The following PPFIBP2 variants were observed in gnomAD, a reference collection of about 807,000 sequenced individuals.
The protein encoded by PPFIBP2 is PPFIB scaffold protein 2.
A neutral mutation model predicts 118.3 loss-of-function variants in PPFIBP2; 118 were observed. That is an observed-to-expected ratio of 1.00 (90% CI 0.86 to 1.16). The LOEUF is 1.16. Among genes scored for constraint, PPFIBP2 ranks in the 50% most tolerant of loss-of-function variants. The pLI, the probability that PPFIBP2 is intolerant of heterozygous loss-of-function variation, is 0.00. For missense variants in PPFIBP2, 1,195 were observed against 1,073.1 expected, an observed-to-expected ratio of 1.11 and a Z score of -1.59; for synonymous variants, 414 against 397.4, an observed-to-expected ratio of 1.04 and a Z score of -0.50.
At position 7,591,449 on chromosome 11, in the gene PPFIBP2, C is replaced by G. The variant is rs1335711862; in HGVS notation, c.280-1683C>G. Among the ~76,000 whole-genome samples, 5 of 77,134 alleles carry G rather than the reference C, an allele frequency of 6.5e-5. No homozygotes were observed. In the Admixed American group the frequency reaches 6.9e-4, roughly 11 times the overall value. 50.6% of individuals were successfully genotyped at this position (77,134 alleles called of 152,430 possible). On this transcript the variant is annotated intron_variant, in intron 3 of 23. Transcript: ENST00000299492. ...CTTTGACAGAGAAGAAGTTGACCTGCTATTAAGAATTATTCTCCTACCTTT... is the reference window on the plus strand; with the variant it reads ...CTTTGACAGAGAAGAAGTTGACCTGGTATTAAGAATTATTCTCCTACCTTT...
At chr11:7,637,080 A>T (rs960941446) in intron 14 of PPFIBP2, among the ~76,000 whole-genome samples, 1 of 152,142 alleles carries the variant, frequency 6.6e-6, no homozygotes, top group Non-Finnish European at 1.5e-5. Flanking sequence ...GGAAAAAGTC[A>T]ATCTCCCCTA....
intron 13 of PPFIBP2, 110 bp from the exon 14 acceptor site, chr11:7,635,442 G>A: frequency 1.0e-6 from 1 of 997,006 alleles, no homozygotes; most frequent in Non-Finnish European, 1.6e-6. Flanking sequence ...TGGAGGGAGG[G>A]GATGCGCCTT....
In PPFIBP2 at chr11:7,598,969, G is replaced by C. The variant is rs1362363433; in HGVS notation, c.486+1296G>C. Reference sequence around the variant, plus strand: ...CCGTTTCAATGATTCAGGAACTTTTGTTTGTTATCTTTTCATTGCTGATTA... The same window carrying C: ...CCGTTTCAATGATTCAGGAACTTTTCTTTGTTATCTTTTCATTGCTGATTA... On this transcript the variant is annotated intron_variant, in intron 5 of 23. Transcript: ENST00000299492. Among the ~76,000 whole-genome samples, 3 of 143,442 alleles carry C rather than the reference G, an allele frequency of 2.1e-5. No individual in the cohort carries two copies. In the East Asian group the frequency reaches 6.4e-4, roughly 31 times the overall value. 94.1% of individuals were successfully genotyped at this position (143,442 alleles called of 152,430 possible).
intron 5 of PPFIBP2, among the ~76,000 whole-genome samples, chr11:7,607,998 A>G (rs901678712): frequency 6.6e-6 from 1 of 152,122 alleles, no homozygotes; most frequent in African/African-American, 2.4e-5. Context: ...AAAGAAGGGT[A>G]AGAGAGTAGG....
chr11:7,657,725 T>A (rs567920450), downstream of PPFIBP2, among the ~76,000 whole-genome samples: 1 of 152,330 alleles, frequency 6.6e-6, no homozygotes, highest in Admixed American at 6.5e-5. Flanking sequence ...AAATCCTGTC[T>A]CTCAAGGCAC....
At chr11:7,640,915 C>G in intron 15 of PPFIBP2, 1 of 831,824 alleles carries the variant, frequency 1.2e-6, no homozygotes, top group Non-Finnish European at 1.7e-6. Flanking sequence ...TTGAGTTTTT[C>G]TCTCTTGCTC....
At chr11:7,583,972 C>T (rs999339258) in intron 3 of PPFIBP2, among the ~76,000 whole-genome samples, 3 of 152,248 alleles carry the variant, frequency 2.0e-5, no homozygotes, top group African/African-American at 7.2e-5. Flanking sequence ...GGTGCCTCCA[C>T]TGTAAAGCCT....
At chr11:7,602,444 G>C (rs1209614919) in intron 5 of PPFIBP2, among the ~76,000 whole-genome samples, 2 of 152,166 alleles carry the variant, frequency 1.3e-5, no homozygotes, top group Non-Finnish European at 2.9e-5. Flanking sequence ...TAGCCACTGT[G>C]AGCTCACTGG....
intron 2 of PPFIBP2, among the ~76,000 whole-genome samples, chr11:7,561,298 T>G (rs1217931712): frequency 1.3e-5 from 2 of 152,230 alleles, no homozygotes; most frequent in Admixed American, 6.5e-5. Flanking sequence ...ACTCCTGACC[T>G]CGGGTGGTCT....
chr11:7,656,888 A>C, downstream of PPFIBP2: 1 of 982,588 alleles, frequency 1.0e-6, no homozygotes, highest in Non-Finnish European at 1.4e-6. Flanking sequence ...CCCCCTCTGC[A>C]AGCCCAGTCC....
At chr11:7,517,180 C>G (rs1202943109) in intron 1 of PPFIBP2, among the ~76,000 whole-genome samples, 3 of 152,110 alleles carry the variant, frequency 2.0e-5, no homozygotes, top group Non-Finnish European at 4.4e-5. Flanking sequence ...ATTACTGTCC[C>G]TACCAGGGTT....
intron 6 of PPFIBP2, among the ~76,000 whole-genome samples, chr11:7,613,685 G>C (rs913107482): frequency 6.6e-6 from 1 of 152,212 alleles, no homozygotes; most frequent in Non-Finnish European, 1.5e-5. Context: ...ACAGATCAAA[G>C]CATTGCAAAG....
chr11:7,571,264 C>A (rs181708067), intron 3 of PPFIBP2, among the ~76,000 whole-genome samples: 42 of 152,290 alleles, frequency 2.8e-4, no homozygotes, highest in South Asian at 1.2e-3. Context: ...AGCCACCCCC[C>A]CTTCTCAGCT....
At position 7,635,611 on chromosome 11, in the gene PPFIBP2, C is replaced by A; in HGVS notation, c.1236+18C>A. The A allele has an allele frequency of 6.3e-7, 1 of 1,597,270 alleles. No homozygotes were observed. The highest frequency in any genetic ancestry group is 8.6e-7 in the Non-Finnish European group (1 of 1,164,580). On this transcript the variant is annotated intron_variant, in intron 14 of 23. Coordinates refer to ENST00000299492, the MANE Select transcript of PPFIBP2 (RefSeq NM_003621.5). ...AACCCAAGGTACATTGACTTCGTGC[C>A]CCGTCGTCTATTTGTGGTTACACTG...
chr11:7,569,311 G>C (rs901734577), intron 3 of PPFIBP2, among the ~76,000 whole-genome samples: 9 of 152,220 alleles, frequency 5.9e-5, no homozygotes, highest in Non-Finnish European at 1.2e-4. Context: ...CCTGGAGATG[G>C]GTATAAAACA....
At chr11:7,633,022 T>A in intron 12 of PPFIBP2, 88 bp downstream of exon 12, 1 of 1,223,978 alleles carries the variant, frequency 8.2e-7, no homozygotes, top group South Asian at 1.3e-5. Flanking sequence ...CCGTGAATGG[T>A]GAGCATGGCC....
chr11:7,641,795 T>C, intron 16 of PPFIBP2, 175 bp downstream of exon 16: 1 of 686,532 alleles, frequency 1.5e-6, no homozygotes, highest in Non-Finnish European at 2.4e-6. Flanking sequence ...AGGAGAAGTA[T>C]GAAAGACACC....
At chr11:7,613,696 G>T (rs1370888013) in intron 6 of PPFIBP2, among the ~76,000 whole-genome samples, 1 of 152,186 alleles carries the variant, frequency 6.6e-6, no homozygotes, top group Non-Finnish European at 1.5e-5. Context: ...CATTGCAAAG[G>T]CGTGTTGCTC....
Position 7,649,530 on chromosome 11 carries a change from A to G in PPFIBP2, c.1999-2A>G. 6.2e-7 allele frequency: 1 copy of G among 1,614,140 alleles called. No individual in the cohort carries two copies. The highest frequency in any genetic ancestry group is 8.5e-7 in the Non-Finnish European group (1 of 1,180,026). On this transcript the variant is annotated splice_acceptor_variant, in intron 20 of 23. Transcript: ENST00000299492. LOFTEE classifies it high-confidence loss of function. ...TTTATAAACCAAACTTTCCTCTTTC[A>G]GAACGATTTACTCTTCTTAAAAGTC...
Sources: gnomAD v4.1 joint callset for allele counts (sites outside exome capture counted in the v4.1 genomes callset) on GRCh38, gnomAD v4.1.1 for gene constraint, MANE v1.5 for transcripts, NCBI Gene and HGNC (gene_info 2026-07-23, HGNC 2026-07-21) for gene names.